The following NDC80 variants were observed in gnomAD, a reference collection of about 807,000 sequenced individuals.
The protein encoded by NDC80 is NDC80 kinetochore complex component, also known as kinetochore protein NDC80 homolog.
A neutral mutation model predicts 89.3 loss-of-function variants in NDC80; 69 were observed. The observed-to-expected ratio is 0.77, with a 90% confidence interval of 0.64 to 0.94. The LOEUF (loss-of-function observed/expected upper bound fraction) is 0.94. Ranked by LOEUF, NDC80 falls within the 40% of genes least tolerant of loss-of-function variation. The pLI is 0.00. For synonymous variants in NDC80, 243 were observed against 255.6 expected, an observed-to-expected ratio of 0.95 and a Z score of 0.47; for missense variants, 593 against 739.6, an observed-to-expected ratio of 0.80 and a Z score of 2.30.
At chr18:2,601,192 A>G (rs2072682205) in intron 12 of NDC80, among the ~76,000 whole-genome samples, 1 of 152,206 alleles carries the variant, frequency 6.6e-6, no homozygotes, top group Non-Finnish European at 1.5e-5. Context: ...AGTATTCAAA[A>G]CCAAAAGCAG....
At chr18:2,587,386 A>G (rs1345779557) in intron 7 of NDC80, among the ~76,000 whole-genome samples, 1 of 152,216 alleles carries the variant, frequency 6.6e-6, no homozygotes, top group Non-Finnish European at 1.5e-5. Context: ...AGCCTTCATT[A>G]ATTACATTTG....
intron 14 of NDC80, among the ~76,000 whole-genome samples, chr18:2,607,619 G>A (rs2072718820): frequency 6.6e-6 from 1 of 151,902 alleles, no homozygotes; most frequent in Admixed American, 6.6e-5. Flanking sequence ...ATTTTATTTA[G>A]TTTCTGCATC....
chr18:2,574,920 T>C, intron 2 of NDC80, 69 bp from the exon 3 acceptor site: 3 of 990,576 alleles, frequency 3.0e-6, no homozygotes, highest in South Asian at 3.0e-5. Context: ...GGTTCTAATA[T>C]ATTTCTAAAA....
intron 6 of NDC80, among the ~76,000 whole-genome samples, chr18:2,580,512 A>G (rs1266161049): frequency 2.0e-5 from 3 of 152,064 alleles, no homozygotes; most frequent in Non-Finnish European, 2.9e-5. Flanking sequence ...GGCTTTAACT[A>G]AATGAAGGCA....
intron 5 of NDC80, among the ~76,000 whole-genome samples, chr18:2,578,504 AGAC>A (rs2072560016): frequency 6.6e-6 from 1 of 152,226 alleles, no homozygotes; most frequent in Non-Finnish European, 1.5e-5. Flanking sequence ...AGAATAGAAA[AGAC>A]AGACTGGATA....
intron 10 of NDC80, among the ~76,000 whole-genome samples, chr18:2,593,308 C>T (rs1477228312): frequency 6.6e-6 from 1 of 152,000 alleles, no homozygotes; most frequent in East Asian, 1.9e-4. Context: ...CCCGCCTCTG[C>T]CATAATAAGT....
intron 14 of NDC80, among the ~76,000 whole-genome samples, chr18:2,606,972 C>T (rs1334497372): frequency 2.0e-5 from 3 of 152,020 alleles, no homozygotes; most frequent in Non-Finnish European, 4.4e-5. Flanking sequence ...AATAAAAAGA[C>T]TGATTCTTCA....
Position 2,599,185 on chromosome 18 carries a change from A to G in NDC80, c.1374+14A>G, listed in dbSNP as rs1235664150. On this transcript the variant is annotated intron_variant, in intron 12 of 16. Transcript: ENST00000261597. ...GCTCAAGTTTATGTAAGTAATCATG[A>G]CTACTTTTAAGATTTTTTTAATTCT... 4 of 1,589,062 alleles carry G rather than the reference A, an allele frequency of 2.5e-6. No individual in the cohort carries two copies. Among genetic ancestry groups the G allele is most frequent in the African/African-American group, 1.4e-5 (1 of 73,556 alleles).
chr18:2,573,051 G>A lies in NDC80; in HGVS notation c.66G>A (p.Gln22=), dbSNP rs756313561. 2 of 1,613,928 alleles carry A rather than the reference G, an allele frequency of 1.2e-6. No individual in the cohort carries two copies. The highest frequency in any genetic ancestry group is 2.7e-5 in the African/African-American group (2 of 74,908). ...GRLSMQELRS[Q]DVNKQGLYTP... ...TCTCCATGCAGGAGTTAAGATCCCA[G>A]GATGTAAATAAACAAGGCCTCTATA... is the stretch of plus-strand genomic sequence containing the variant. The change falls in exon 2 of 17, where the codon CAG becomes CAA. Residue 22 remains glutamine (Q), a synonymous_variant. Coordinates refer to ENST00000261597, the MANE Select transcript of NDC80 (RefSeq NM_006101.3).
Position 2,589,336 on chromosome 18 carries a change from C to T in NDC80, c.870+26C>T, listed in dbSNP as rs1455764485. ...GTTAGTAAACATGTTTACACACTTA[C>T]TTGAGAGCTCTTTTAGACTTTTGGG... On this transcript the variant is annotated intron_variant, in intron 9 of 16. Coordinates refer to ENST00000261597, the MANE Select transcript of NDC80 (RefSeq NM_006101.3). 7.4e-6 allele frequency: 11 copies of T among 1,495,836 alleles called. No homozygotes were observed. The East Asian group carries it at 2.5e-4, about 34-fold the overall frequency. The allele number at this position is 1,495,836 out of a possible 1,614,324, so 92.7% of individuals were successfully genotyped here.
intron 3 of NDC80, among the ~76,000 whole-genome samples, chr18:2,575,303 C>T (rs1270660774): frequency 6.6e-6 from 1 of 152,168 alleles, no homozygotes; most frequent in Non-Finnish European, 1.5e-5. Context: ...AATTCTATAC[C>T]TAGCTTTCAG....
intron 7 of NDC80, among the ~76,000 whole-genome samples, chr18:2,586,948 A>G (rs2072605546): frequency 6.6e-6 from 1 of 152,186 alleles, no homozygotes; most frequent in African/African-American, 2.4e-5. Context: ...ATATTTTTAA[A>G]CCTATAAGAT....
chr18:2,602,446 A>G (rs1005026570), intron 13 of NDC80, among the ~76,000 whole-genome samples: 5 of 152,136 alleles, frequency 3.3e-5, no homozygotes, highest in Non-Finnish European at 5.9e-5. Context: ...TAAAATATCT[A>G]TGGAGAAAAG....
chr18:2,614,678 C>A (rs979744758), intron 16 of NDC80, among the ~76,000 whole-genome samples: 9 of 150,846 alleles, frequency 6.0e-5, no homozygotes, highest in Non-Finnish European at 1.0e-4. Context: ...ATCCGAAAAA[C>A]CAACTTTCAC....
At chr18:2,600,429 T>C (rs1029300017) in intron 12 of NDC80, among the ~76,000 whole-genome samples, 6 of 151,900 alleles carry the variant, frequency 3.9e-5, no homozygotes, top group African/African-American at 1.5e-4. Context: ...GCCAATATGG[T>C]GAAACCCCAT....
At chr18:2,600,700 C>A (rs543798578) in intron 12 of NDC80, among the ~76,000 whole-genome samples, 6 of 151,916 alleles carry the variant, frequency 3.9e-5, no homozygotes, top group African/African-American at 1.4e-4. Flanking sequence ...CTTCAAAAGA[C>A]CTACTTAAAA....
At chr18:2,598,953 T>G in intron 11 of NDC80, 66 bp from the exon 12 acceptor site, 1 of 1,406,370 alleles carries the variant, frequency 7.1e-7, no homozygotes, top group Non-Finnish European at 9.4e-7. Flanking sequence ...ATTTTAGAAA[T>G]GTCAATTGAA....
intron 10 of NDC80, among the ~76,000 whole-genome samples, chr18:2,593,057 T>TGTGTGTG (rs1491312738): frequency 5.8e-5 from 4 of 69,328 alleles, no homozygotes; most frequent in Non-Finnish European, 9.0e-5. Flanking sequence ...TGTGTGTGTC[T>TGTGTGTG]TTTTTTTTTT....
chr18:2,599,050 T>G lies in NDC80; in HGVS notation c.1253T>G (p.Leu418Trp). Residue 418 changes from leucine to tryptophan, a missense_variant, in exon 12 of 17, where the codon TTG (leucine) becomes TGG (tryptophan). Transcript: ENST00000261597. Reference sequence around the variant, plus strand: ...ACACAATTAGCAGAGTATCACAAATTGGCTAGAAAATTAAAACTTATTCCT... The same window carrying G: ...ACACAATTAGCAGAGTATCACAAATGGGCTAGAAAATTAAAACTTATTCCT... ...IETQLAEYHK[L>W]ARKLKLIPKG... 6.2e-7 allele frequency: 1 copy of G among 1,611,798 alleles called. No homozygotes were observed. Among genetic ancestry groups the G allele is most frequent in the Non-Finnish European group, 8.5e-7 (1 of 1,178,976 alleles).
Sources: gnomAD v4.1 joint callset for allele counts (sites outside exome capture counted in the v4.1 genomes callset) on GRCh38, gnomAD v4.1.1 for gene constraint, MANE v1.5 for transcripts, NCBI Gene and HGNC (gene_info 2026-07-23, HGNC 2026-07-21) for gene names.